Variants in SLC45A4 observed in about 807,000 individuals in gnomAD.
SLC45A4 encodes solute carrier family 45 member 4.
In SLC45A4, 32 loss-of-function variants were observed where a neutral mutation model predicts 63.7. That is an observed-to-expected ratio of 0.50 (90% CI 0.38 to 0.67). The LOEUF is 0.67. Ranked by LOEUF, SLC45A4 falls within the 30% of genes least tolerant of loss-of-function variation. SLC45A4 has a pLI of 0.00. For synonymous variants in SLC45A4, 535 were observed against 510.0 expected (o/e 1.05, Z -0.66); for missense variants, 1,027 against 1,157.7 (o/e 0.89, Z 1.64).
At chr8:141,274,534 C>CAAAAAAA (rs35503591) in intron 1 of SLC45A4, among the ~76,000 whole-genome samples, 2 of 94,044 alleles carry the variant, frequency 2.1e-5, no homozygotes, top group Admixed American at 1.2e-4. Context: ...AACTCGGTCT[C>CAAAAAAA]AAAAAAAAAA....
chr8:141,216,602 G>C lies in SLC45A4; in HGVS notation c.1729+488C>G, dbSNP rs183127542. Among the ~76,000 whole-genome samples the C allele has an allele frequency of 8.7e-4, 133 of 152,296 alleles. 1 individual carries two copies. In the East Asian group the frequency reaches 0.018, roughly 21 times the overall value. Reference sequence around the variant, plus strand: ...TGGCCTTCCCCATGTTCAGAGTCCAGGCAGGCCAGCCCGATTCACACTCGG... The same window carrying C: ...TGGCCTTCCCCATGTTCAGAGTCCACGCAGGCCAGCCCGATTCACACTCGG... On this transcript the variant is annotated intron_variant, in intron 6 of 8. Transcript: ENST00000517878.
At chr8:141,302,548 T>G (rs1235991094) in intron 1 of SLC45A4, among the ~76,000 whole-genome samples, 2 of 152,172 alleles carry the variant, frequency 1.3e-5, no homozygotes, top group African/African-American at 4.8e-5. Context: ...GCCAGGCTGG[T>G]CTCGAACTCC....
chr8:141,222,683 G>A (rs931154711), intron 2 of SLC45A4, among the ~76,000 whole-genome samples: 13 of 152,386 alleles, frequency 8.5e-5, no homozygotes, highest in African/African-American at 2.9e-4. Context: ...CGGCCGCCTT[G>A]TGCAGCCGTG....
intron 1 of SLC45A4, among the ~76,000 whole-genome samples, chr8:141,305,232 C>T (rs376641286): frequency 2.6e-4 from 39 of 152,268 alleles, no homozygotes; most frequent in South Asian, 1.9e-3. Flanking sequence ...ACAAGGGGAC[C>T]TTGTCTAGGA....
intron 1 of SLC45A4, among the ~76,000 whole-genome samples, chr8:141,307,763 C>T (rs1830943281): frequency 8.2e-6 from 1 of 122,110 alleles, no homozygotes. Context: ...CTGATGGGTG[C>T]GAAAGCGGGC....
intron 1 of SLC45A4, among the ~76,000 whole-genome samples, chr8:141,286,000 A>G (rs1830131225): frequency 6.6e-6 from 1 of 152,178 alleles, no homozygotes; most frequent in Non-Finnish European, 1.5e-5. Context: ...GTGGGGGCAG[A>G]CGTGAGCGGC....
At chr8:141,304,231 T>C (rs1830830368) in intron 1 of SLC45A4, among the ~76,000 whole-genome samples, 1 of 151,794 alleles carries the variant, frequency 6.6e-6, no homozygotes, top group African/African-American at 2.4e-5. Flanking sequence ...GTTCAAGACC[T>C]GCTTGGGCAA....
intron 1 of SLC45A4, among the ~76,000 whole-genome samples, chr8:141,271,908 G>A (rs957728946): frequency 1.0e-4 from 15 of 148,072 alleles, no homozygotes; most frequent in Admixed American, 4.0e-4. Context: ...ACACATACAT[G>A]CGCTCACACG....
intron 1 of SLC45A4, among the ~76,000 whole-genome samples, chr8:141,263,191 C>T (rs1435965326): frequency 5.4e-5 from 7 of 130,150 alleles, no homozygotes. Flanking sequence ...AGGAAGGGGA[C>T]CGTCACACGC....
chr8:141,281,578 T>G (rs1413851131), intron 1 of SLC45A4, among the ~76,000 whole-genome samples: 3 of 152,224 alleles, frequency 2.0e-5, no homozygotes, highest in Non-Finnish European at 4.4e-5. Context: ...TACTGTCAAC[T>G]AAGGCGACTT....
intron 1 of SLC45A4, among the ~76,000 whole-genome samples, chr8:141,262,174 C>G (rs1461769659): frequency 6.6e-6 from 1 of 151,178 alleles, no homozygotes; most frequent in Non-Finnish European, 1.5e-5. Flanking sequence ...ATGTAGAAAG[C>G]TGAAACTGGA....
intron 1 of SLC45A4, among the ~76,000 whole-genome samples, chr8:141,297,172 C>T (rs1830584801): frequency 6.6e-6 from 1 of 152,184 alleles, no homozygotes; most frequent in Non-Finnish European, 1.5e-5. Context: ...ACACCATCCA[C>T]TTGGTGCTTC....
At chr8:141,286,383 C>T (rs6989853) in intron 1 of SLC45A4, among the ~76,000 whole-genome samples, 22,753 of 152,094 alleles carry the variant, frequency 0.15, 1,986 homozygotes, top group East Asian at 0.43. Flanking sequence ...GCCTCACATG[C>T]GCGGTTGTTA....
chr8:141,218,234 C>G lies in SLC45A4; in HGVS notation c.1406G>C (p.Arg469Pro), dbSNP rs1182411183. 1 of 1,601,724 alleles carries G rather than the reference C, an allele frequency of 6.2e-7. No homozygotes were observed. Among genetic ancestry groups the G allele is most frequent in the African/African-American group, 1.3e-5 (1 of 74,920 alleles). Residue 469 changes from arginine to proline, a missense_variant, in exon 5 of 9, where the codon CGG becomes CCG. Physicochemically the swap from Arg to Pro is moderately radical, Grantham distance 103 (BLOSUM62 -2). Transcript: ENST00000517878. ...GGTGGCCCCGCTCTGGTTCCGGTGC[C>G]GGTGCTGCCGCTGCCGCTTCTGCAT... ...YDMQKRQRQH[R>P]HRNQSGATTS...
At chr8:141,266,652 C>T (rs533420958) in intron 1 of SLC45A4, among the ~76,000 whole-genome samples, 3 of 152,312 alleles carry the variant, frequency 2.0e-5, no homozygotes, top group East Asian at 1.9e-4. Context: ...TAAAAGTATT[C>T]GCAAAAGACA....
At chr8:141,296,329 T>C (rs1830548995) in intron 1 of SLC45A4, among the ~76,000 whole-genome samples, 1 of 151,502 alleles carries the variant, frequency 6.6e-6, no homozygotes, top group Non-Finnish European at 1.5e-5. Context: ...AGTGAGACCC[T>C]GTTTCAAAAA....
chr8:141,303,922 G>C (rs746033147), intron 1 of SLC45A4, among the ~76,000 whole-genome samples: 1 of 152,138 alleles, frequency 6.6e-6, no homozygotes, highest in Non-Finnish European at 1.5e-5. Flanking sequence ...GAAAGGTTAC[G>C]CAAATCCCTT....
chr8:141,236,295 C>T (rs1272074575), intron 2 of SLC45A4, among the ~76,000 whole-genome samples: 3 of 152,192 alleles, frequency 2.0e-5, no homozygotes, highest in Admixed American at 6.5e-5. Context: ...CCCTCTCGCC[C>T]AGCCCTGACT....
chr8:141,219,577 C>T, intron 4 of SLC45A4, 73 bp downstream of exon 4: 1 of 1,508,584 alleles, frequency 6.6e-7, no homozygotes, highest in Non-Finnish European at 8.9e-7. Context: ...ACAACACAGG[C>T]TCCTGTCCCC....
Sources: allele counts gnomAD v4.1 joint callset (sites outside exome capture counted in the v4.1 genomes callset), GRCh38; gene constraint gnomAD v4.1.1; transcripts MANE v1.5; gene names NCBI Gene and HGNC (gene_info 2026-07-23, HGNC 2026-07-21).